INSR: variants seen among roughly 807,000 people sequenced by gnomAD.
INSR encodes the protein IR.
Under a neutral mutation model 142.6 loss-of-function variants are expected in INSR, and 67 were observed. That is an observed-to-expected ratio of 0.47 (90% confidence interval 0.39 to 0.58). The LOEUF is 0.58. INSR is among the 20% of genes least tolerant of loss of function. The probability of loss-of-function intolerance (pLI) is 0.00; values close to 1 mark genes in which losing one functional copy is unlikely to be tolerated. For missense variants in INSR, 1,248 were observed against 1,833.2 expected (o/e 0.68, Z 5.83); for synonymous variants, 756 against 743.1 (o/e 1.02, Z -0.28).
At chr19:7,176,350 C>T (rs984294099) in intron 3 of INSR, among the ~76,000 whole-genome samples, 18 of 152,326 alleles carry the variant, frequency 1.2e-4, no homozygotes, top group Admixed American at 7.8e-4. Context: ...CCTGTAATTC[C>T]GGCACTTTGG....
At chr19:7,212,997 C>T (rs919720576) in intron 2 of INSR, among the ~76,000 whole-genome samples, 5 of 152,062 alleles carry the variant, frequency 3.3e-5, no homozygotes, top group Non-Finnish European at 7.4e-5. Context: ...AATTAGAGTC[C>T]TTTTTCAGCT....
chr19:7,189,794 G>C (rs1050642602), intron 2 of INSR, among the ~76,000 whole-genome samples: 3 of 151,754 alleles, frequency 2.0e-5, no homozygotes, highest in African/African-American at 7.3e-5. Context: ...CTCCTGAGTA[G>C]CTGGGATTAC....
Position 7,132,224 on chromosome 19 carries a change from G to A in INSR, c.2776C>T (p.Arg926Trp), listed in dbSNP as rs911929963. The A allele has an allele frequency of 6.8e-6, 11 of 1,614,124 alleles. No individual in the cohort carries two copies. The highest frequency in any genetic ancestry group is 1.7e-5 in the Admixed American group (1 of 60,012). ...CCGTTGCCCGCAAGGGAGGTGGCCC[G>A]GATTCGCACGCTGTAGTTCCCCGGT... ...LSPGNYSVRI[R>W]ATSLAGNGSW... Residue 926 changes from arginine to tryptophan, a missense_variant, in exon 14 of 22, where the codon CGG becomes TGG. Coordinates refer to ENST00000302850, the MANE Select transcript of INSR (RefSeq NM_000208.4).
Position 7,153,032 on chromosome 19 carries a change from ACACACACACCACACAC to A in INSR, c.2030-121_2030-106del, listed in dbSNP as rs778336861. ...CACACACCACACACACACACCACAC[ACACACACACCACACAC>A]CCCCCCACACACACACACCACACAC... On this transcript the variant is annotated intron_variant, in intron 9 of 21. Transcript: ENST00000302850. The A allele has an allele frequency of 0.065, 30,251 of 466,418 alleles. 5,854 individuals are homozygous for A. The highest frequency in any genetic ancestry group is 0.5 in the East Asian group (14,895 of 30,024). 28.9% of individuals were successfully genotyped at this position (466,418 alleles called of 1,614,324 possible).
intron 2 of INSR, among the ~76,000 whole-genome samples, chr19:7,248,416 G>A (rs1225595780): frequency 1.4e-5 from 2 of 139,122 alleles, no homozygotes; most frequent in East Asian, 2.3e-4. Context: ...AGCCTGAGAG[G>A]TTGAGGCTTC....
intron 1 of INSR, among the ~76,000 whole-genome samples, chr19:7,273,514 CTT>C (rs899836609): frequency 7.0e-6 from 1 of 142,874 alleles, no homozygotes; most frequent in Non-Finnish European, 1.5e-5. Flanking sequence ...TTTCTTTTTT[CTT>C]TTTTTTTTTT....
In INSR at chr19:7,259,053, C is replaced by T. The variant is rs150788137; in HGVS notation, c.652+8292G>A. On this transcript the variant is annotated intron_variant, in intron 2 of 21. Transcript: ENST00000302850. Reference sequence around the variant, plus strand: ...CCTTCCCTCCTTCCTTCCTTTCTTTCTTCCTTCCTTTCTCCTTCCCTCCTT... The same window carrying T: ...CCTTCCCTCCTTCCTTCCTTTCTTTTTTCCTTCCTTTCTCCTTCCCTCCTT... Among the ~76,000 whole-genome samples the T allele has an allele frequency of 4.7e-4, 60 of 128,484 alleles. 4 individuals carry two copies. The highest frequency in any genetic ancestry group is 1.6e-3 in the African/African-American group (56 of 34,010). 84.3% of individuals were successfully genotyped at this position (128,484 alleles called of 152,430 possible).
rs189023542 is a variant in INSR, at chr19:7,125,613, C to T, written c.3014-86G>A. 399 of 1,562,524 alleles carry T rather than the reference C, an allele frequency of 2.6e-4. No homozygotes were observed. The African/African-American group carries it at 4.5e-3, about 18-fold the overall frequency. On this transcript the variant is annotated intron_variant, in intron 16 of 21. Transcript: ENST00000302850. The surrounding 1 kb of genome is among the most constrained non-coding windows in gnomAD (Gnocchi z 4.9). ...TCCACCCAAGCCCTCACCCAAACCCCCTCGAAAACACTCATGAAATGAGTT... is the reference window on the plus strand; with the variant it reads ...TCCACCCAAGCCCTCACCCAAACCCTCTCGAAAACACTCATGAAATGAGTT...
At chr19:7,231,771 G>GTC (rs1385107928) in intron 2 of INSR, among the ~76,000 whole-genome samples, 1 of 117,122 alleles carries the variant, frequency 8.5e-6, no homozygotes, top group Non-Finnish European at 1.8e-5. Flanking sequence ...AAACTTTTCT[G>GTC]TCTCTTTTTT....
chr19:7,157,637 T>C (rs1417010826), intron 9 of INSR, among the ~76,000 whole-genome samples: 1 of 151,974 alleles, frequency 6.6e-6, no homozygotes, highest in Non-Finnish European at 1.5e-5. Flanking sequence ...TGACCCACGG[T>C]GCAAGCACAG....
chr19:7,180,613 T>C (rs754582555), intron 3 of INSR, among the ~76,000 whole-genome samples: 4 of 149,702 alleles, frequency 2.7e-5, no homozygotes, highest in Non-Finnish European at 5.9e-5. Context: ...AGTGCACGGA[T>C]GATTGACTCA....
chr19:7,225,699 T>TG lies in INSR; in HGVS notation c.653-41063_653-41062insC, dbSNP rs112529897. On this transcript the variant is annotated intron_variant, in intron 2 of 21. Coordinates refer to ENST00000302850, the MANE Select transcript of INSR (RefSeq NM_000208.4). The surrounding 1 kb of genome is among the most constrained non-coding windows in gnomAD (Gnocchi z 4.7). ...TGATGATGGGCTCTTGGTTTCCATT[T>TG]CCCCCCCCTCAAAAAAAGAGCAGAG... Among the ~76,000 whole-genome samples, 5 of 121,858 alleles carry TG rather than the reference T, an allele frequency of 4.1e-5. No homozygotes were observed. Among genetic ancestry groups the TG allele is most frequent in the Non-Finnish European group, 1.7e-5 (1 of 58,068 alleles). 79.9% of individuals were successfully genotyped at this position (121,858 alleles called of 152,430 possible).
rs145746441 is a variant in INSR, at chr19:7,171,811, C to T, written c.1268+479G>A. Among the ~76,000 whole-genome samples the T allele has an allele frequency of 9.2e-3, 1,398 of 152,166 alleles. 11 individuals carry two copies. The highest frequency in any genetic ancestry group is 0.015 in the Non-Finnish European group (998 of 68,010). Reference sequence around the variant, plus strand: ...TTTTGGCTGGATGGACCTTTAGGCACATTCCAAGTTCTTTTTTCCCGAGGT... The same window carrying T: ...TTTTGGCTGGATGGACCTTTAGGCATATTCCAAGTTCTTTTTTCCCGAGGT... On this transcript the variant is annotated intron_variant, in intron 5 of 21. Coordinates refer to ENST00000302850, the MANE Select transcript of INSR (RefSeq NM_000208.4).
intron 9 of INSR, among the ~76,000 whole-genome samples, chr19:7,160,139 AATT>A (rs969762396): frequency 5.3e-5 from 8 of 151,596 alleles, no homozygotes; most frequent in African/African-American, 1.9e-4. Context: ...ACCTCTAAAA[AATT>A]ATTATTATTT....
chr19:7,212,736 C>T (rs1007993166), intron 2 of INSR, among the ~76,000 whole-genome samples: 13 of 152,052 alleles, frequency 8.5e-5, no homozygotes, highest in African/African-American at 3.1e-4. Flanking sequence ...CAGGCACCCA[C>T]CCCCACGTCC....
chr19:7,285,025 G>A (rs978579475), intron 1 of INSR, among the ~76,000 whole-genome samples: 4 of 152,096 alleles, frequency 2.6e-5, no homozygotes, highest in African/African-American at 9.7e-5. Flanking sequence ...CAAAAATACA[G>A]GGTCTGGGGC....
At chr19:7,174,493 C>T in intron 4 of INSR, 90 bp downstream of exon 4, 1 of 1,442,024 alleles carries the variant, frequency 6.9e-7, no homozygotes. Context: ...GAGCACGCAG[C>T]AGGGTCTGCA....
At chr19:7,146,309 T>G (rs1371357359) in intron 11 of INSR, among the ~76,000 whole-genome samples, 1 of 140,952 alleles carries the variant, frequency 7.1e-6, no homozygotes, top group East Asian at 2.3e-4. Flanking sequence ...TGGCGCAACC[T>G]CGGTTCACTG....
intron 2 of INSR, among the ~76,000 whole-genome samples, chr19:7,197,912 A>AGAGTGTGT (rs1243502286): frequency 2.2e-4 from 20 of 91,112 alleles, no homozygotes; most frequent in Non-Finnish European, 3.6e-4. Context: ...TCGGTTCCAG[A>AGAGTGTGT]GTGAGAGTGT....
Sources: gnomAD v4.1 joint callset for allele counts (sites outside exome capture counted in the v4.1 genomes callset) on GRCh38, gnomAD v4.1.1 for gene constraint, Gnocchi (gnomAD v3.1) non-coding constraint, MANE v1.5 for transcripts, NCBI Gene and HGNC (gene_info 2026-07-23, HGNC 2026-07-21) for gene names.